ZNRF3: variants seen among roughly 807,000 people sequenced by gnomAD.
ZNRF3 encodes zinc and ring finger 3.
A neutral mutation model predicts 72.5 loss-of-function variants in ZNRF3; 23 were observed. The ratio of observed to expected loss-of-function variants is 0.32; its 90% CI spans 0.23 to 0.45. The LOEUF is 0.45. Among genes scored for constraint, ZNRF3 ranks in the 20% least tolerant of loss-of-function variants. ZNRF3 has a pLI of 1.00. For synonymous variants in ZNRF3, 610 were observed against 545.3 expected (o/e 1.12, Z -1.65); for missense variants, 1,169 against 1,272.1 (o/e 0.92, Z 1.23).
At chr22:28,989,868 C>T (rs77325912) in intron 2 of ZNRF3, among the ~76,000 whole-genome samples, 2,199 of 152,270 alleles carry the variant, frequency 0.014, 55 homozygotes, top group African/African-American at 0.05. Flanking sequence ...AATTAAAACA[C>T]GTAAATGCCT....
rs114359622 is a variant in ZNRF3 at position 28,994,975 on chromosome 22, G to C, written c.426+7774G>C. ...TTCTGGACAATCTAGGTACAATGAG[G>C]ACAGAGACCAAACCCTTCTTTGTGC... is the stretch of plus-strand genomic sequence containing the variant. On this transcript the variant is annotated intron_variant, in intron 2 of 8. Transcript: ENST00000544604. Among the ~76,000 whole-genome samples the C allele has an allele frequency of 1.5e-3, 234 of 152,294 alleles. 1 individual carries two copies. Among genetic ancestry groups the C allele is most frequent in the African/African-American group, 5.4e-3 (226 of 41,554 alleles).
intron 3 of ZNRF3, 39 bp downstream of exon 3, chr22:29,042,608 G>C: frequency 6.3e-7 from 1 of 1,584,604 alleles, no homozygotes. Flanking sequence ...CAGCCTCCCT[G>C]AGAAAGGCAC....
chr22:28,914,511 T>TG (rs1256492891), intron 1 of ZNRF3, among the ~76,000 whole-genome samples: 1 of 151,332 alleles, frequency 6.6e-6, no homozygotes, highest in East Asian at 1.9e-4. Context: ...TTTTTTTTTT[T>TG]TTTTAAACTT....
chr22:29,017,241 T>C (rs1456577258), intron 2 of ZNRF3, among the ~76,000 whole-genome samples: 1 of 152,160 alleles, frequency 6.6e-6, no homozygotes, highest in African/African-American at 2.4e-5. Context: ...AATCAGAAGG[T>C]CTGGCAGTGC....
chr22:28,944,832 A>G (rs2035019914), intron 1 of ZNRF3, among the ~76,000 whole-genome samples: 1 of 151,340 alleles, frequency 6.6e-6, no homozygotes, highest in Admixed American at 6.6e-5. Flanking sequence ...AGGCTGAGGC[A>G]GGAGAATTGC....
Position 29,007,752 on chromosome 22 carries a change from C to CTTTTTTTTTTTTTTTTTTTTTT in ZNRF3, c.426+20552_426+20573dup. ...CCTTTCATAGAAATTCCATTTCTTCCTTTTTTTTTTTTTTTTTTTTTTGAG... is the reference window on the plus strand; with the variant it reads ...CCTTTCATAGAAATTCCATTTCTTCCTTTTTTTTTTTTTTTTTTTTTTTTTTTTTTTTTTTTTTTTTTTTGAG... On this transcript the variant is annotated intron_variant, in intron 2 of 8. Coordinates refer to ENST00000544604, the MANE Select transcript of ZNRF3 (RefSeq NM_001206998.2). 4.6e-5 allele frequency among the ~76,000 whole-genome samples: 2 copies of CTTTTTTTTTTTTTTTTTTTTTT among 43,676 alleles called. 1 individual carries two copies. The highest frequency in any genetic ancestry group is 1.3e-3 in the South Asian group (2 of 1,540). 28.7% of individuals were successfully genotyped at this position (43,676 alleles called of 152,430 possible).
At chr22:29,029,531 A>G (rs779718397) in intron 2 of ZNRF3, among the ~76,000 whole-genome samples, 5 of 152,214 alleles carry the variant, frequency 3.3e-5, no homozygotes, top group Non-Finnish European at 5.9e-5. Flanking sequence ...GGTGCACTGG[A>G]CAGTCATGCC....
At chr22:29,007,216 C>G (rs1395863665) in intron 2 of ZNRF3, among the ~76,000 whole-genome samples, 3 of 152,124 alleles carry the variant, frequency 2.0e-5, no homozygotes, top group East Asian at 3.8e-4. Context: ...CACAGGGGTA[C>G]CTACCAGTGG....
rs750297109 is a variant in ZNRF3 at position 29,001,472 on chromosome 22, C to CTTT, written c.426+14286_426+14288dup. Among the ~76,000 whole-genome samples the CTTT allele has an allele frequency of 3.5e-3, 434 of 125,004 alleles. 5 individuals are homozygous for CTTT. Among genetic ancestry groups the CTTT allele is most frequent in the African/African-American group, 0.012 (406 of 33,374 alleles). The allele number at this position is 125,004 out of a possible 152,430, so 82.0% of individuals were successfully genotyped here. On this transcript the variant is annotated intron_variant, in intron 2 of 8. Coordinates refer to ENST00000544604, the MANE Select transcript of ZNRF3 (RefSeq NM_001206998.2). Reference sequence around the variant, plus strand: ...CCTTTGCAACCCAAGATTTTTTAAACTTTTTTTTTTTTTTTTTGAGATGGA... The same window carrying CTTT: ...CCTTTGCAACCCAAGATTTTTTAAACTTTTTTTTTTTTTTTTTTTTGAGATGGA...
chr22:28,978,188 CTA>C (rs1249503759), intron 1 of ZNRF3, among the ~76,000 whole-genome samples: 3 of 152,184 alleles, frequency 2.0e-5, no homozygotes, highest in East Asian at 3.8e-4. Flanking sequence ...GCCTTAGTAA[CTA>C]TTCAGAAATG....
intron 2 of ZNRF3, chr22:29,031,773 G>A (rs978098715): frequency 3.9e-6 from 1 of 258,184 alleles, no homozygotes; most frequent in African/African-American, 2.3e-5. Context: ...GGACCGGCTG[G>A]GTGCTCTCCA....
chr22:28,974,173 G>T (rs2035628369), intron 1 of ZNRF3, among the ~76,000 whole-genome samples: 1 of 152,050 alleles, frequency 6.6e-6, no homozygotes, highest in South Asian at 2.1e-4. Context: ...GAGTTAGCCA[G>T]GATGGTCTCG....
chr22:29,020,249 C>T (rs935129572), intron 2 of ZNRF3, among the ~76,000 whole-genome samples: 7 of 91,770 alleles, frequency 7.6e-5, no homozygotes, highest in South Asian at 3.9e-4. Context: ...CACAACCATC[C>T]TTTTTTTTTT....
chr22:29,040,596 C>T lies in ZNRF3; in HGVS notation c.427-1899C>T, dbSNP rs1207386294. On this transcript the variant is annotated intron_variant, in intron 2 of 8. Coordinates refer to ENST00000544604, the MANE Select transcript of ZNRF3 (RefSeq NM_001206998.2). ...GCCAGTGGCAGAGGCAGGAATAGCTCCCAGGATTCATTCCTGACTCCTAGC... is the reference window on the plus strand; with the variant it reads ...GCCAGTGGCAGAGGCAGGAATAGCTTCCAGGATTCATTCCTGACTCCTAGC... Among the ~76,000 whole-genome samples the T allele has an allele frequency of 2.0e-5, 3 of 152,224 alleles. No individual in the cohort carries two copies. In the East Asian group the frequency reaches 5.8e-4, roughly 29 times the overall value.
At position 29,050,025 on chromosome 22, in the gene ZNRF3, G is replaced by C. The variant is rs1475259968; in HGVS notation, c.1844G>C (p.Ser615Thr). The C allele has an allele frequency of 3.7e-6, 6 of 1,610,158 alleles. No homozygotes were observed. The South Asian group carries it at 6.6e-5, about 18-fold the overall frequency. The part of the protein sequence containing the change: ...CRASEAGGSG[S>T]SGRGPALCFE... The stretch of plus-strand genomic sequence containing the variant: ...GCCAGTGAGGCGGGGGGCTCGGGCA[G>C]CTCGGGCCGGGGACCTGCCCTGTGC... Residue 615 changes from serine (S) to threonine (T), a missense_variant, in exon 8 of 9, where the codon AGC (serine) becomes ACC (threonine). Ser to Thr is a moderately conservative substitution (Grantham distance 58). Coordinates refer to ENST00000544604, the MANE Select transcript of ZNRF3 (RefSeq NM_001206998.2).
At chr22:28,944,007 C>G (rs1430747830) in intron 1 of ZNRF3, among the ~76,000 whole-genome samples, 1 of 150,388 alleles carries the variant, frequency 6.6e-6, no homozygotes, top group African/African-American at 2.5e-5. Flanking sequence ...CCAAAAGAAC[C>G]CCGGATTAAG....
intron 1 of ZNRF3, among the ~76,000 whole-genome samples, chr22:28,980,660 G>A (rs2035749114): frequency 6.6e-6 from 1 of 152,170 alleles, no homozygotes; most frequent in Non-Finnish European, 1.5e-5. Flanking sequence ...CAAAATCAAA[G>A]TTATAACCCA....
intron 1 of ZNRF3, among the ~76,000 whole-genome samples, chr22:28,933,772 T>TCTCTCTCC (rs1555970187): frequency 4.3e-4 from 48 of 111,966 alleles, no homozygotes; most frequent in African/African-American, 1.5e-3. Context: ...TCTCTCTCTC[T>TCTCTCTCC]CTCTCTCCCC....
chr22:28,978,435 T>A (rs1324085361), intron 1 of ZNRF3, among the ~76,000 whole-genome samples: 1 of 152,142 alleles, frequency 6.6e-6, no homozygotes, highest in Non-Finnish European at 1.5e-5. Flanking sequence ...CCTGGATGGC[T>A]CCCAGAACAG....
Sources: allele counts gnomAD v4.1 joint callset (sites outside exome capture counted in the v4.1 genomes callset), GRCh38; gene constraint gnomAD v4.1.1; transcripts MANE v1.5; gene names NCBI Gene and HGNC (gene_info 2026-07-23, HGNC 2026-07-21).